SCRG1: variants seen among roughly 807,000 people sequenced by gnomAD.
The protein encoded by SCRG1 is scrapie-responsive protein 1.
Under a neutral mutation model 7.7 loss-of-function variants are expected in SCRG1, and 3 were observed. The observed-to-expected ratio is 0.39, with a 90% CI of 0.18 to 1.01. The LOEUF is 1.01. Among genes scored for constraint, SCRG1 ranks in the 50% least tolerant of loss-of-function variants. The pLI, the probability that SCRG1 is intolerant of heterozygous loss-of-function variation, is 0.36. For synonymous variants in SCRG1, 46 were observed against 41.2 expected, an observed-to-expected ratio of 1.12 and a Z score of -0.44; for missense variants, 110 against 117.2, an observed-to-expected ratio of 0.94 and a Z score of 0.28.
the SCRG1 span, among the ~76,000 whole-genome samples, chr4:173,415,594 C>T: frequency 7.9e-5 from 12 of 152,274 alleles, no homozygotes; most frequent in South Asian, 2.5e-3. Context: ...CTGGCATTTA[C>T]CAATTACTTA....
the SCRG1 span, among the ~76,000 whole-genome samples, chr4:173,442,479 C>T: frequency 2.0e-5 from 3 of 152,184 alleles, no homozygotes; most frequent in Non-Finnish European, 4.4e-5. Flanking sequence ...ATGGAACTCA[C>T]GAGATATCTG....
At position 173,387,086 on chromosome 4, in the gene SCRG1, C is replaced by A. The variant is rs1196127460; in HGVS notation, c.*1255G>T. ...TTAAAATGTATGATACTTTTAAATT[C>A]TCATCCATTATGTTTCTTTTAATGT... On this transcript the variant is annotated 3_prime_UTR_variant, in exon 3 of 3. Coordinates refer to ENST00000296506, the MANE Select transcript of SCRG1 (RefSeq NM_007281.4). 5 of 152,094 alleles carry A rather than the reference C, an allele frequency of 3.3e-5. No individual in the cohort carries two copies. The East Asian group carries it at 9.6e-4, about 29-fold the overall frequency. The allele number at this position is 152,094 out of a possible 1,614,324, so 9.4% of individuals were successfully genotyped here.
At chr4:173,483,623 A>ATATATTATATATTG in the SCRG1 span, among the ~76,000 whole-genome samples, 1 of 40,434 alleles carries the variant, frequency 2.5e-5, no homozygotes, top group African/African-American at 8.7e-5. Context: ...ATGATATATT[A>ATATATTATATATTG]TATTGTGATA....
chr4:173,426,587 C>G, the SCRG1 span, among the ~76,000 whole-genome samples: 1 of 152,210 alleles, frequency 6.6e-6, no homozygotes, highest in Non-Finnish European at 1.5e-5. Context: ...CTCAGCCTGT[C>G]TAGTAGCTGG....
At chr4:173,506,619 G>A in the SCRG1 span, among the ~76,000 whole-genome samples, 5 of 152,310 alleles carry the variant, frequency 3.3e-5, no homozygotes, top group East Asian at 5.8e-4. The surrounding 1 kb of genome is among the most constrained non-coding windows in gnomAD (Gnocchi z 5.3). Flanking sequence ...CTGAGGGTAG[G>A]GGCGGGCAGA....
At chr4:173,459,645 C>T in the SCRG1 span, among the ~76,000 whole-genome samples, 1 of 152,010 alleles carries the variant, frequency 6.6e-6, no homozygotes, top group African/African-American at 2.4e-5. Context: ...AAATAAACAC[C>T]TACTTTATAA....
the SCRG1 span, among the ~76,000 whole-genome samples, chr4:173,454,391 G>C: frequency 6.6e-6 from 1 of 152,120 alleles, no homozygotes; most frequent in South Asian, 2.1e-4. Context: ...GGGGAGGTTA[G>C]GGGCAAGGCA....
chr4:173,401,056 A>G (rs1739749518), upstream of SCRG1, among the ~76,000 whole-genome samples: 1 of 152,192 alleles, frequency 6.6e-6, no homozygotes, highest in Non-Finnish European at 1.5e-5. Flanking sequence ...CAGTGCTGGG[A>G]GAACAACACG....
chr4:173,501,907 A>G, the SCRG1 span, among the ~76,000 whole-genome samples: 20 of 152,080 alleles, frequency 1.3e-4, no homozygotes, highest in African/African-American at 4.8e-5. The surrounding 1 kb of genome is among the most constrained non-coding windows in gnomAD (Gnocchi z 5.1). Context: ...CCTTCTACCA[A>G]CCAGGATCTA....
chr4:173,459,913 A>AT, the SCRG1 span, among the ~76,000 whole-genome samples: 1 of 152,036 alleles, frequency 6.6e-6, no homozygotes, highest in Non-Finnish European at 1.5e-5. Flanking sequence ...CACAAAAAAA[A>AT]AATACATGTG....
chr4:173,434,571 C>A, the SCRG1 span, among the ~76,000 whole-genome samples: 50 of 152,304 alleles, frequency 3.3e-4, no homozygotes, highest in Admixed American at 2.9e-3. Flanking sequence ...TGGCTCACGC[C>A]TGTAATCCTA....
the SCRG1 span, among the ~76,000 whole-genome samples, chr4:173,491,197 A>C: frequency 6.9e-6 from 1 of 145,396 alleles, no homozygotes; most frequent in Non-Finnish European, 1.5e-5. Flanking sequence ...ACTAATACAG[A>C]ATTCTCTCTC....
the SCRG1 span, among the ~76,000 whole-genome samples, chr4:173,483,377 T>TTATATATTATATATTATATCATAA: frequency 6.2e-5 from 1 of 16,148 alleles, no homozygotes; most frequent in East Asian, 2.3e-3. Context: ...TAATATTATA[T>TTATATATTATATATTATATCATAA]TATATATTAT....
chr4:173,463,871 G>T, the SCRG1 span, among the ~76,000 whole-genome samples: 20 of 152,064 alleles, frequency 1.3e-4, no homozygotes, highest in Non-Finnish European at 2.9e-4. Flanking sequence ...TGGGGCTGGC[G>T]TTCTATCCAG....
chr4:173,458,342 G>A, the SCRG1 span, among the ~76,000 whole-genome samples: 1 of 152,246 alleles, frequency 6.6e-6, no homozygotes, highest in Middle Eastern at 3.4e-3. Flanking sequence ...AGTTACATAT[G>A]TAATTTTGAA....
upstream of SCRG1, chr4:173,399,465 A>AATGTGTGTGTGT (rs1553964794): frequency 3.6e-5 from 3 of 84,154 alleles, no homozygotes; most frequent in African/African-American, 1.1e-4. Context: ...CCTTAAGAAA[A>AATGTGTGTGTGT]GTGTGTGTGT....
the SCRG1 span, among the ~76,000 whole-genome samples, chr4:173,412,258 A>T: frequency 6.6e-6 from 1 of 152,198 alleles, no homozygotes; most frequent in Non-Finnish European, 1.5e-5. Context: ...CTGCAGTAAC[A>T]TCATGCCTGT....
the SCRG1 span, among the ~76,000 whole-genome samples, chr4:173,479,072 A>C: frequency 6.6e-6 from 1 of 152,156 alleles, no homozygotes; most frequent in Non-Finnish European, 1.5e-5. Flanking sequence ...TGCATCTCTG[A>C]TCTAATTTTA....
At chr4:173,518,109 T>C in the SCRG1 span, among the ~76,000 whole-genome samples, 2 of 152,218 alleles carry the variant, frequency 1.3e-5, no homozygotes, top group Non-Finnish European at 2.9e-5. Flanking sequence ...CAATATTCGC[T>C]CTCTCTAGGC....
Sources: gnomAD v4.1 joint callset for allele counts (sites outside exome capture counted in the v4.1 genomes callset) on GRCh38, gnomAD v4.1.1 for gene constraint, Gnocchi (gnomAD v3.1) non-coding constraint, MANE v1.5 for transcripts, NCBI Gene and HGNC (gene_info 2026-07-23, HGNC 2026-07-21) for gene names.